The following PCDHA7 variants were observed in gnomAD, a reference collection of about 807,000 sequenced individuals.
PCDHA7 encodes protocadherin alpha-7.
PCDHA7 carries 37 observed loss-of-function variants against 57.2 expected under a neutral mutation model. The ratio of observed to expected loss-of-function variants is 0.65; its 90% CI spans 0.50 to 0.85. The LOEUF (loss-of-function observed/expected upper bound fraction) is 0.85, where lower values mean the gene tolerates loss of function less well. Ranked by LOEUF, PCDHA7 falls within the 40% of genes least tolerant of loss-of-function variation. PCDHA7 has a pLI of 0.00. For missense variants in PCDHA7, 1,188 were observed against 1,241.8 expected, an observed-to-expected ratio of 0.96 and a Z score of 0.65; for synonymous variants, 553 against 558.8, an observed-to-expected ratio of 0.99 and a Z score of 0.15.
chr5:140,928,372 G>T (rs782494631), intron 1 of PCDHA7: 5 of 1,614,136 alleles, frequency 3.1e-6, no homozygotes, highest in Non-Finnish European at 4.2e-6. Flanking sequence ...AGGGCCATCA[G>T]CCTCTAGCTT....
intron 1 of PCDHA7, among the ~76,000 whole-genome samples, chr5:140,935,413 T>C (rs1011900671): frequency 1.3e-5 from 2 of 152,246 alleles, no homozygotes; most frequent in Non-Finnish European, 2.9e-5. Flanking sequence ...ACAATGGACT[T>C]AGAAAACAAT....
chr5:140,925,952 ACTG>A (rs1295981015), intron 1 of PCDHA7, among the ~76,000 whole-genome samples: 1 of 151,952 alleles, frequency 6.6e-6, no homozygotes, highest in Non-Finnish European at 1.5e-5. Flanking sequence ...AGAAGGAGAA[ACTG>A]CTATCACGCA....
chr5:140,954,771 T>C (rs1314345691), intron 1 of PCDHA7, among the ~76,000 whole-genome samples: 2 of 152,230 alleles, frequency 1.3e-5, no homozygotes, highest in African/African-American at 4.8e-5. Context: ...AGCTCTTTAA[T>C]TTAATTAGAT....
chr5:140,982,482 C>T lies in PCDHA7; in HGVS notation c.2422C>T (p.His808Tyr), dbSNP rs782273708. 1.9e-6 allele frequency: 3 copies of T among 1,614,054 alleles called. No individual in the cohort carries two copies. Among genetic ancestry groups the T allele is most frequent in the East Asian group, 4.5e-5 (2 of 44,894 alleles). The change falls in exon 3 of 4, where the codon CAC (histidine) becomes TAC (tyrosine). Residue 808 changes from histidine to tyrosine, a missense_variant. Physicochemically the swap from His to Tyr is moderately conservative, Grantham distance 83. Around this residue, in one of 3 missense-constraint regions of PCDHA7, gnomAD observed 892 missense variants for 788.5 expected, o/e 1.13. Transcript: ENST00000525929. ...SLRAGMHSSV[H>Y]LEEAGILRAG... ...GTCTGTGTGTTTATTCAGCTCTGTGCACCTAGAGGAGGCTGGCATTCTACG... is the reference window on the plus strand; with the variant it reads ...GTCTGTGTGTTTATTCAGCTCTGTGTACCTAGAGGAGGCTGGCATTCTACG...
chr5:140,968,312 C>A, intron 1 of PCDHA7: 2 of 1,613,960 alleles, frequency 1.2e-6, no homozygotes, highest in Non-Finnish European at 1.7e-6. Context: ...GATTCAAGGG[C>A]TGCCAGTCAC....
intron 1 of PCDHA7, chr5:140,927,619 C>G: frequency 6.2e-7 from 1 of 1,614,170 alleles, no homozygotes; most frequent in Non-Finnish European, 8.5e-7. Flanking sequence ...CACCAAGGTT[C>G]CAGAGACTGC....
At chr5:140,987,995 C>T (rs1554249784) in intron 3 of PCDHA7, among the ~76,000 whole-genome samples, 3 of 152,178 alleles carry the variant, frequency 2.0e-5, no homozygotes, top group African/African-American at 7.2e-5. Flanking sequence ...CATCTCTGAT[C>T]CTTCCCCAGA....
chr5:140,937,717 C>G (rs868958316), intron 1 of PCDHA7, among the ~76,000 whole-genome samples: 34 of 151,858 alleles, frequency 2.2e-4, no homozygotes, highest in African/African-American at 8.2e-4. Flanking sequence ...TCAAGACCAT[C>G]CTGGCTAACA....
At chr5:140,984,634 C>G (rs540344154) in intron 3 of PCDHA7, among the ~76,000 whole-genome samples, 4 of 152,298 alleles carry the variant, frequency 2.6e-5, no homozygotes, top group African/African-American at 9.6e-5. Context: ...AAGGGATTCT[C>G]TGCCTTCTCC....
rs782181380 is a variant in PCDHA7 at position 140,857,975 on chromosome 5, C to A, written c.2355+21237C>A. 5 of 1,596,906 alleles carry A rather than the reference C, an allele frequency of 3.1e-6. 1 individual carries two copies. The highest frequency in any genetic ancestry group is 3.4e-6 in the Non-Finnish European group (4 of 1,167,228). On this transcript the variant is annotated intron_variant, in intron 1 of 3. Coordinates refer to ENST00000525929, the MANE Select transcript of PCDHA7 (RefSeq NM_018910.3). ...CGCTCTGGATGAGACTGACTCGCCA[C>A]GCCAGCGCCTACTGGTGCTGGTGAA...
chr5:140,948,267 A>C (rs964252489), intron 1 of PCDHA7, among the ~76,000 whole-genome samples: 1 of 151,646 alleles, frequency 6.6e-6, no homozygotes, highest in South Asian at 2.1e-4. Context: ...GTGTTCATGT[A>C]GAATATCTGT....
chr5:140,896,053 C>T (rs371706160), intron 1 of PCDHA7, among the ~76,000 whole-genome samples: 8 of 152,164 alleles, frequency 5.3e-5, no homozygotes, highest in Non-Finnish European at 1.2e-4. Context: ...TCAGGTGATC[C>T]GCCTGCCTCG....
intron 1 of PCDHA7, chr5:140,870,649 G>T (rs533111347): frequency 1.2e-6 from 2 of 1,612,592 alleles, no homozygotes; most frequent in Non-Finnish European, 1.7e-6. Flanking sequence ...GAGCGGCAAG[G>T]TGTACGCGCT....
rs564683374 is a variant in PCDHA7 at position 140,850,519 on chromosome 5, C to A, written c.2355+13781C>A. 1.1e-5 allele frequency: 17 copies of A among 1,598,126 alleles called. 1 individual carries two copies. Among genetic ancestry groups the A allele is most frequent in the Admixed American group, 1.7e-5 (1 of 59,294 alleles). On this transcript the variant is annotated intron_variant, in intron 1 of 3. Coordinates refer to ENST00000525929, the MANE Select transcript of PCDHA7 (RefSeq NM_018910.3). ...GTGTCGCTGGTGGAGAGCGGCCAGG[C>A]GCCAAAGTCATCGTCGCGGGCGTCA...
chr5:140,917,948 A>G (rs1382859222), intron 1 of PCDHA7, among the ~76,000 whole-genome samples: 2 of 151,868 alleles, frequency 1.3e-5, no homozygotes, highest in Admixed American at 1.3e-4. Flanking sequence ...TGGTAGTTTG[A>G]TAGGAACATC....
chr5:140,925,935 CTCTTGGAG>C (rs35448813), intron 1 of PCDHA7, among the ~76,000 whole-genome samples: 7,062 of 152,190 alleles, frequency 0.046, 287 homozygotes, highest in African/African-American at 0.11. Context: ...CAAGTAGAGC[CTCTTGGAG>C]AAGGAGAAAC....
At chr5:140,896,450 C>T (rs1009231622) in intron 1 of PCDHA7, among the ~76,000 whole-genome samples, 1 of 152,092 alleles carries the variant, frequency 6.6e-6, no homozygotes, top group East Asian at 1.9e-4. Flanking sequence ...GCAACCTCCA[C>T]CTCCTGGGTT....
At position 141,011,612 on chromosome 5, in the gene PCDHA7, G is replaced by A. The variant is rs1031311936; in HGVS notation, c.*1675G>A. 11 of 153,524 alleles carry A rather than the reference G, an allele frequency of 7.2e-5. No individual in the cohort carries two copies. The highest frequency in any genetic ancestry group is 1.6e-4 in the Non-Finnish European group (11 of 67,990). 9.5% of individuals were successfully genotyped at this position (153,524 alleles called of 1,614,324 possible). A position where few individuals can be genotyped will look rare whatever the true frequency, so the allele number is the denominator to read the frequency against. On this transcript the variant is annotated 3_prime_UTR_variant, in exon 4 of 4. Coordinates refer to ENST00000525929, the MANE Select transcript of PCDHA7 (RefSeq NM_018910.3). ...TGGTGATTCAAGGAATTTTATTTAT[G>A]GTCCAGCCAAGAGCCATCTCGTGCC...
chr5:140,916,242 T>A (rs1554197354), intron 1 of PCDHA7, among the ~76,000 whole-genome samples: 1 of 152,208 alleles, frequency 6.6e-6, no homozygotes, highest in Non-Finnish European at 1.5e-5. Flanking sequence ...AGCCAAAGCC[T>A]GGACTTGGGG....
Sources: gnomAD v4.1 joint callset for allele counts (sites outside exome capture counted in the v4.1 genomes callset) on GRCh38, gnomAD v4.1.1 for gene constraint, gnomAD v4.1.1 regional missense constraint, MANE v1.5 for transcripts, NCBI Gene and HGNC (gene_info 2026-07-23, HGNC 2026-07-21) for gene names.